PHKB: variants seen among roughly 807,000 people sequenced by gnomAD.
The protein encoded by PHKB is phosphorylase kinase regulatory subunit beta, also known as phosphorylase b kinase regulatory subunit beta.
In PHKB, 122 loss-of-function variants were observed where a neutral mutation model predicts 152.1. The observed-to-expected ratio is 0.80, with a 90% CI of 0.69 to 0.93. The LOEUF is 0.93. Among genes scored for constraint, PHKB ranks in the 40% least tolerant of loss-of-function variants. The probability of loss-of-function intolerance (pLI) is 0.00; values close to 1 mark genes in which losing one functional copy is unlikely to be tolerated. For synonymous variants in PHKB, 436 were observed against 464.9 expected (o/e 0.94, Z 0.80); for missense variants, 1,304 against 1,328.4 (o/e 0.98, Z 0.29).
chr16:47,521,655 C>CAA (rs34948954), intron 6 of PHKB, among the ~76,000 whole-genome samples: 2 of 132,516 alleles, frequency 1.5e-5, no homozygotes, highest in Non-Finnish European at 1.6e-5. Context: ...AACTACGTCT[C>CAA]AAAAAAAAAA....
chr16:47,661,641 G>A (rs572937099), intron 22 of PHKB, 78 bp from the exon 23 acceptor site: 7 of 873,954 alleles, frequency 8.0e-6, no homozygotes, highest in South Asian at 2.7e-5. Context: ...GCATCATGTG[G>A]TTTTGTGATT....
chr16:47,668,280 G>T (rs1973574413), intron 25 of PHKB, among the ~76,000 whole-genome samples: 1 of 152,062 alleles, frequency 6.6e-6, no homozygotes, highest in Non-Finnish European at 1.5e-5. Context: ...TTCACACGCA[G>T]ACTAACTGGT....
intron 1 of PHKB, chr16:47,462,780 A>G (rs1386571164): frequency 1.4e-5 from 2 of 146,324 alleles, no homozygotes; most frequent in African/African-American, 5.1e-5. Flanking sequence ...CTGAAAATCT[A>G]ATTTCAGAAA....
At chr16:47,651,435 A>T (rs978565987) in intron 20 of PHKB, among the ~76,000 whole-genome samples, 1 of 152,092 alleles carries the variant, frequency 6.6e-6, no homozygotes, top group African/African-American at 2.4e-5. Context: ...CTGTGTCTTG[A>T]ATTTTGTGGG....
intron 13 of PHKB, among the ~76,000 whole-genome samples, chr16:47,606,395 ATAT>A (rs1972324430): frequency 6.6e-6 from 1 of 152,208 alleles, no homozygotes; most frequent in African/African-American, 2.4e-5. Flanking sequence ...TTTTTAGTAA[ATAT>A]TATACATGGG....
intron 14 of PHKB, among the ~76,000 whole-genome samples, chr16:47,615,588 C>T (rs1046033816): frequency 6.6e-6 from 1 of 152,228 alleles, no homozygotes; most frequent in African/African-American, 2.4e-5. Context: ...TTATTTCAGG[C>T]TGCAGACTCC....
chr16:47,494,810 C>T (rs1361360333), intron 1 of PHKB, among the ~76,000 whole-genome samples: 1 of 152,138 alleles, frequency 6.6e-6, no homozygotes, highest in African/African-American at 2.4e-5. Flanking sequence ...TTTTTACTGG[C>T]ATTGATGCTT....
chr16:47,521,650 C>T (rs1370638618), intron 6 of PHKB, among the ~76,000 whole-genome samples: 5 of 149,196 alleles, frequency 3.4e-5, no homozygotes, highest in Middle Eastern at 6.9e-3. Context: ...AGCGAAACTA[C>T]GTCTCAAAAA....
intron 14 of PHKB, among the ~76,000 whole-genome samples, chr16:47,625,710 T>C: frequency 6.6e-6 from 1 of 152,316 alleles, no homozygotes; most frequent in South Asian, 2.1e-4. Flanking sequence ...ACTTTTATTA[T>C]GTTTATTTAT....
intron 1 of PHKB, among the ~76,000 whole-genome samples, chr16:47,488,851 C>G (rs1219122235): frequency 6.6e-6 from 1 of 152,030 alleles, no homozygotes; most frequent in Non-Finnish European, 1.5e-5. Flanking sequence ...ACCGTAGCTG[C>G]CTTGTGGTGT....
At chr16:47,664,809 T>TATAG in intron 24 of PHKB, 76 bp from the exon 25 acceptor site, 1 of 861,646 alleles carries the variant, frequency 1.2e-6, no homozygotes, top group Non-Finnish European at 2.0e-6. Context: ...GAATGCTGAC[T>TATAG]GTTATGTTTG....
At chr16:47,519,458 G>A (rs1970650045) in intron 6 of PHKB, among the ~76,000 whole-genome samples, 1 of 152,192 alleles carries the variant, frequency 6.6e-6, no homozygotes, top group African/African-American at 2.4e-5. Flanking sequence ...CTCATCTGAA[G>A]GGTTTACTGA....
intron 1 of PHKB, among the ~76,000 whole-genome samples, chr16:47,477,959 A>C (rs911346326): frequency 2.0e-5 from 3 of 152,152 alleles, no homozygotes; most frequent in African/African-American, 7.2e-5. Flanking sequence ...TAACCATTTA[A>C]ATTTCAGGAA....
At chr16:47,464,648 T>C (rs1969635956) in intron 1 of PHKB, among the ~76,000 whole-genome samples, 1 of 152,200 alleles carries the variant, frequency 6.6e-6, no homozygotes, top group African/African-American at 2.4e-5. Flanking sequence ...CCAGACATGA[T>C]TACCTATGCA....
intron 13 of PHKB, among the ~76,000 whole-genome samples, chr16:47,599,245 T>G (rs891713356): frequency 6.6e-6 from 1 of 152,206 alleles, no homozygotes; most frequent in Non-Finnish European, 1.5e-5. Context: ...CAAATGAGCA[T>G]GAGGAATTTT....
Position 47,587,725 on chromosome 16 carries a change from A to G in PHKB, c.832A>G (p.Thr278Ala). The change falls in exon 9 of 31, where the codon ACT becomes GCT. Residue 278 changes from threonine (T) to alanine (A), a missense_variant. Physicochemically the swap from Thr to Ala is moderately conservative, Grantham distance 58. Coordinates refer to ENST00000323584, the MANE Select transcript of PHKB (RefSeq NM_000293.3). Reference sequence around the variant, plus strand: ...CGATGCTCACAATCGCAACAGGCAAACTTTGTGCTCGCTGTTACCCAGAGA... The same window carrying G: ...CGATGCTCACAATCGCAACAGGCAAGCTTTGTGCTCGCTGTTACCCAGAGA... ...DLDAHNRNRQ[T>A]LCSLLPRESR... 6.2e-7 allele frequency: 1 copy of G among 1,613,732 alleles called. No individual in the cohort carries two copies. The highest frequency in any genetic ancestry group is 8.5e-7 in the Non-Finnish European group (1 of 1,179,650).
At chr16:47,593,681 G>C in intron 11 of PHKB, 124 bp downstream of exon 11, 1 of 696,842 alleles carries the variant, frequency 1.4e-6, no homozygotes, top group Non-Finnish European at 2.6e-6. Context: ...AATAGACTGC[G>C]CTTCAGTGAT....
intron 1 of PHKB, among the ~76,000 whole-genome samples, chr16:47,487,818 C>T (rs1970075521): frequency 6.6e-6 from 1 of 152,108 alleles, no homozygotes; most frequent in African/African-American, 2.4e-5. Context: ...ATATAGGTAC[C>T]ACCTTTTGAA....
chr16:47,511,903 T>C (rs1039378499), intron 5 of PHKB, 131 bp downstream of exon 5: 4 of 691,266 alleles, frequency 5.8e-6, no homozygotes. Context: ...GGCTAGATGG[T>C]TTTGGGATGA....
Sources: gnomAD v4.1 joint callset for allele counts (sites outside exome capture counted in the v4.1 genomes callset) on GRCh38, gnomAD v4.1.1 for gene constraint, MANE v1.5 for transcripts, NCBI Gene and HGNC (gene_info 2026-07-23, HGNC 2026-07-21) for gene names.